Variants in AGBL4 observed in about 807,000 individuals in gnomAD.
AGBL4 encodes AGBL carboxypeptidase 4.
A neutral mutation model predicts 66.4 loss-of-function variants in AGBL4; 58 were observed. That is an observed-to-expected ratio of 0.87 (90% CI 0.71 to 1.09). The LOEUF (loss-of-function observed/expected upper bound fraction) is 1.09. AGBL4 is among the 50% of genes least tolerant of loss of function. The probability of loss-of-function intolerance (pLI) is 0.00; values close to 1 mark genes in which losing one functional copy is unlikely to be tolerated. For missense variants in AGBL4, 579 were observed against 631.0 expected, an observed-to-expected ratio of 0.92 and a Z score of 0.88; for synonymous variants, 234 against 222.9, an observed-to-expected ratio of 1.05 and a Z score of -0.44.
At chr1:49,245,257 T>TACAC (rs139244286) in intron 4 of AGBL4, among the ~76,000 whole-genome samples, 4,074 of 139,118 alleles carry the variant, frequency 0.029, 66 homozygotes, top group Non-Finnish European at 0.042. Flanking sequence ...AACTTTAAAA[T>TACAC]ACACACACAC....
intron 9 of AGBL4, among the ~76,000 whole-genome samples, chr1:48,633,684 C>A (rs934107419): frequency 1.3e-5 from 2 of 152,174 alleles, no homozygotes; most frequent in African/African-American, 2.4e-5. Flanking sequence ...GTCTGTCCCC[C>A]CATTCTGCGA....
At chr1:49,801,362 C>A (rs576964092) in intron 2 of AGBL4, among the ~76,000 whole-genome samples, 7 of 152,290 alleles carry the variant, frequency 4.6e-5, no homozygotes, top group African/African-American at 1.7e-4. Flanking sequence ...ACAGCCCTAG[C>A]CAACACCTCA....
At chr1:49,259,241 G>T (rs550017424) in intron 3 of AGBL4, among the ~76,000 whole-genome samples, 59 of 151,936 alleles carry the variant, frequency 3.9e-4, no homozygotes, top group Non-Finnish European at 6.0e-4. Flanking sequence ...GGAAGAAACT[G>T]CATCAACTAA....
chr1:49,441,388 T>C (rs924950263), intron 3 of AGBL4, among the ~76,000 whole-genome samples: 1 of 152,160 alleles, frequency 6.6e-6, no homozygotes, highest in African/African-American at 2.4e-5. Context: ...AAAAAGGCTC[T>C]AATAGTTTAT....
chr1:49,272,188 C>G (rs553216637), intron 3 of AGBL4, among the ~76,000 whole-genome samples: 157 of 152,160 alleles, frequency 1.0e-3, no homozygotes, highest in Non-Finnish European at 1.8e-3. Flanking sequence ...TAGCCCAGTC[C>G]CATGGTGTTT....
chr1:48,950,609 T>C (rs749885773), intron 5 of AGBL4, among the ~76,000 whole-genome samples: 3 of 152,194 alleles, frequency 2.0e-5, no homozygotes, highest in Non-Finnish European at 4.4e-5. Flanking sequence ...GATTTTAGAA[T>C]GCTATGCTGG....
chr1:48,762,619 T>C (rs1423951161), intron 6 of AGBL4, among the ~76,000 whole-genome samples: 3 of 40,748 alleles, frequency 7.4e-5, no homozygotes, highest in Non-Finnish European at 1.5e-4. Context: ...GGGTTTTGTG[T>C]GTGTGTGTGT....
At chr1:49,554,304 A>G (rs776116774) in intron 3 of AGBL4, among the ~76,000 whole-genome samples, 1 of 152,204 alleles carries the variant, frequency 6.6e-6, no homozygotes, top group Non-Finnish European at 1.5e-5. Context: ...AGACAGATTT[A>G]TCTCTCCAGG....
At chr1:49,295,490 A>G (rs1412152701) in intron 3 of AGBL4, among the ~76,000 whole-genome samples, 1 of 152,228 alleles carries the variant, frequency 6.6e-6, no homozygotes, top group African/African-American at 2.4e-5. Context: ...CAGACAGAAA[A>G]ACTGTGAATA....
At chr1:49,401,858 C>T (rs1237849763) in intron 3 of AGBL4, among the ~76,000 whole-genome samples, 1 of 152,064 alleles carries the variant, frequency 6.6e-6, no homozygotes, top group Non-Finnish European at 1.5e-5. Context: ...GATTTCATTA[C>T]TTATTATTGA....
intron 3 of AGBL4, among the ~76,000 whole-genome samples, chr1:49,311,695 A>T (rs1272837770): frequency 1.3e-5 from 2 of 152,068 alleles, no homozygotes; most frequent in Non-Finnish European, 2.9e-5. Flanking sequence ...TAGATTTAAC[A>T]CAACTTCAAT....
At chr1:49,244,816 C>A (rs1471400932) in intron 4 of AGBL4, among the ~76,000 whole-genome samples, 1 of 151,792 alleles carries the variant, frequency 6.6e-6, no homozygotes, top group Non-Finnish European at 1.5e-5. Context: ...AACAGGCATT[C>A]ACTTAACACC....
At chr1:48,582,000 G>T (rs1287065622) in intron 11 of AGBL4, among the ~76,000 whole-genome samples, 1 of 152,200 alleles carries the variant, frequency 6.6e-6, no homozygotes, top group Non-Finnish European at 1.5e-5. Flanking sequence ...AGGTTCTGTT[G>T]AAAGCTATGG....
chr1:48,703,402 C>A (rs571271784), intron 6 of AGBL4, among the ~76,000 whole-genome samples: 3 of 152,018 alleles, frequency 2.0e-5, no homozygotes, highest in East Asian at 1.9e-4. Flanking sequence ...TCAACGAATG[C>A]AGAAAAAGAG....
chr1:48,785,315 A>G (rs1305490250), intron 6 of AGBL4, among the ~76,000 whole-genome samples: 2 of 152,214 alleles, frequency 1.3e-5, no homozygotes, highest in African/African-American at 2.4e-5. Flanking sequence ...AACCTGGCAC[A>G]TGAGAAACCC....
At chr1:48,883,916 AAAACAAAC>A (rs915827481) in intron 5 of AGBL4, among the ~76,000 whole-genome samples, 2 of 152,192 alleles carry the variant, frequency 1.3e-5, no homozygotes, top group Non-Finnish European at 1.5e-5. Flanking sequence ...GGGTCTATAA[AAAACAAAC>A]AAACAAACAA....
At chr1:49,400,284 G>T (rs956471441) in intron 3 of AGBL4, among the ~76,000 whole-genome samples, 4 of 152,088 alleles carry the variant, frequency 2.6e-5, no homozygotes, top group Non-Finnish European at 4.4e-5. Flanking sequence ...GGTTACTGTA[G>T]CTCTGTAGCA....
At chr1:49,004,476 T>C (rs756903734) in intron 5 of AGBL4, among the ~76,000 whole-genome samples, 1 of 152,190 alleles carries the variant, frequency 6.6e-6, no homozygotes, top group Non-Finnish European at 1.5e-5. Flanking sequence ...AGGTGCTCAA[T>C]GAATATGTCG....
At chr1:49,845,682 G>A (rs984124797) in intron 2 of AGBL4, 87 of 1,603,796 alleles carry the variant, frequency 5.4e-5, no homozygotes, top group Non-Finnish European at 7.0e-5. Context: ...GTGAGTCTGG[G>A]AAAGCCTTCA....
Sources: allele counts gnomAD v4.1 joint callset (sites outside exome capture counted in the v4.1 genomes callset), GRCh38; gene constraint gnomAD v4.1.1; transcripts MANE v1.5; gene names NCBI Gene and HGNC (gene_info 2026-07-23, HGNC 2026-07-21).